CTBP2: variants seen among roughly 807,000 people sequenced by gnomAD.
CTBP2 encodes C-terminal-binding protein 2.
A neutral mutation model predicts 80.3 loss-of-function variants in CTBP2; 30 were observed. The observed-to-expected ratio is 0.37, with a 90% confidence interval of 0.28 to 0.51. The LOEUF (loss-of-function observed/expected upper bound fraction) is 0.51. Ranked by LOEUF, CTBP2 falls within the 20% of genes least tolerant of loss-of-function variation. The probability of loss-of-function intolerance (pLI) is 0.93; values close to 1 mark genes in which losing one functional copy is unlikely to be tolerated. For missense variants in CTBP2, 1,212 were observed against 1,375.3 expected, an observed-to-expected ratio of 0.88 and a Z score of 1.88; for synonymous variants, 594 against 587.4, an observed-to-expected ratio of 1.01 and a Z score of -0.16.
At chr10:125,147,965 C>T (rs959758441) in intron 1 of CTBP2, among the ~76,000 whole-genome samples, 9 of 152,150 alleles carry the variant, frequency 5.9e-5, no homozygotes, top group African/African-American at 2.2e-4. Flanking sequence ...TTTAGAAACA[C>T]TACTTCATTG....
At chr10:125,036,671 GTGT>G (rs1564769501) in intron 3 of CTBP2, among the ~76,000 whole-genome samples, 87 of 6,164 alleles carry the variant, frequency 0.014, 1 homozygote, top group African/African-American at 0.044. Context: ...TAGAGGGGGT[GTGT>G]GTGTGTGTGT....
chr10:125,081,814 A>G (rs1449749349), intron 2 of CTBP2, among the ~76,000 whole-genome samples: 1 of 152,124 alleles, frequency 6.6e-6, no homozygotes, highest in Non-Finnish European at 1.5e-5. Flanking sequence ...ATAAAGTAAG[A>G]GTCACAGCAT....
chr10:125,153,331 C>A (rs1228166663), intron 1 of CTBP2, among the ~76,000 whole-genome samples: 1 of 152,222 alleles, frequency 6.6e-6, no homozygotes, highest in Non-Finnish European at 1.5e-5. Context: ...GTGGGGTGTC[C>A]AGGATCCAGA....
intron 2 of CTBP2, among the ~76,000 whole-genome samples, chr10:125,080,529 T>C (rs1297180092): frequency 1.3e-5 from 2 of 152,206 alleles, no homozygotes; most frequent in Non-Finnish European, 2.9e-5. Flanking sequence ...TGTGCCATCT[T>C]GGCTGTCATC....
intron 2 of CTBP2, among the ~76,000 whole-genome samples, chr10:125,070,992 C>CA (rs1845396747): frequency 6.6e-6 from 1 of 152,270 alleles, no homozygotes; most frequent in Non-Finnish European, 1.5e-5. Flanking sequence ...CCACTTCCCT[C>CA]ACACTGCATT....
chr10:125,099,101 G>A (rs1027440291), intron 2 of CTBP2, among the ~76,000 whole-genome samples: 4 of 152,184 alleles, frequency 2.6e-5, no homozygotes, highest in East Asian at 1.9e-4. Context: ...CGTTCAGTAC[G>A]CACAGGTTTA....
chr10:125,049,493 C>T (rs908130649), intron 2 of CTBP2, among the ~76,000 whole-genome samples: 4 of 152,184 alleles, frequency 2.6e-5, no homozygotes, highest in Non-Finnish European at 5.9e-5. Context: ...GCTCTGATGC[C>T]ACGAATACCT....
intron 2 of CTBP2, 116 bp from the exon 5 acceptor site, chr10:125,003,220 A>G (rs1031485227): frequency 2.2e-5 from 35 of 1,583,496 alleles, no homozygotes; most frequent in South Asian, 4.5e-5. Context: ...GTTCAGCAGG[A>G]AAGCAGGGAA....
intron 1 of CTBP2, among the ~76,000 whole-genome samples, chr10:125,147,191 G>A (rs570967013): frequency 5.3e-5 from 8 of 152,248 alleles, no homozygotes; most frequent in African/African-American, 1.7e-4. Context: ...TATGCTCCTC[G>A]GAATGTGGCC....
intron 2 of CTBP2, among the ~76,000 whole-genome samples, chr10:125,107,242 CCA>C (rs1424795126): frequency 6.6e-6 from 1 of 152,226 alleles, no homozygotes; most frequent in African/African-American, 2.4e-5. Context: ...CTAGAGAACC[CCA>C]GAGATGAAAG....
intron 1 of CTBP2, among the ~76,000 whole-genome samples, chr10:125,140,163 T>C (rs1318533630): frequency 1.3e-5 from 2 of 152,102 alleles, no homozygotes; most frequent in African/African-American, 4.8e-5. Flanking sequence ...TCACACTCGC[T>C]GCATGGCAGT....
intron 4 of CTBP2, chr10:124,997,723 C>G (rs905302351): frequency 3.5e-6 from 2 of 565,042 alleles, no homozygotes; most frequent in Admixed American, 3.3e-5. Flanking sequence ...GCTGTCCTGC[C>G]AGACACTACA....
At chr10:125,008,256 C>A (rs1460691760) in intron 1 of CTBP2, among the ~76,000 whole-genome samples, 1 of 152,202 alleles carries the variant, frequency 6.6e-6, no homozygotes, top group Non-Finnish European at 1.5e-5. Context: ...CGGCTCTGGC[C>A]TCTTTTTTTA....
At chr10:125,043,509 T>G (rs549638437) in intron 2 of CTBP2, among the ~76,000 whole-genome samples, 12 of 152,214 alleles carry the variant, frequency 7.9e-5, no homozygotes, top group South Asian at 2.1e-4. Flanking sequence ...CAATCTGGGC[T>G]CACTGCAAGC....
intron 1 of CTBP2, among the ~76,000 whole-genome samples, chr10:125,135,470 C>T (rs970252266): frequency 1.3e-5 from 2 of 152,206 alleles, no homozygotes; most frequent in African/African-American, 4.8e-5. Flanking sequence ...GCTGATCCCC[C>T]ACCCAGGCAG....
intron 1 of CTBP2, among the ~76,000 whole-genome samples, chr10:125,024,835 A>G (rs1385634754): frequency 6.6e-6 from 1 of 152,236 alleles, no homozygotes; most frequent in Non-Finnish European, 1.5e-5. Flanking sequence ...TGTATTTGAG[A>G]AAGTCAAATA....
chr10:124,992,505 T>C (rs375168485), intron 8 of CTBP2, among the ~76,000 whole-genome samples, 190 bp downstream of exon 10: 1 of 152,116 alleles, frequency 6.6e-6, no homozygotes, highest in East Asian at 1.9e-4. Context: ...TAGGAGCTTC[T>C]GTTTGTTCCA....
intron 2 of CTBP2, among the ~76,000 whole-genome samples, chr10:125,090,458 A>T: frequency 7.7e-6 from 1 of 130,406 alleles, no homozygotes. Flanking sequence ...TGGTTATTTA[A>T]AAAAAAAAAA....
At chr10:125,123,117 C>G (rs933168132) in intron 1 of CTBP2, among the ~76,000 whole-genome samples, 1 of 152,212 alleles carries the variant, frequency 6.6e-6, no homozygotes, top group Admixed American at 6.5e-5. Context: ...TTTGAGCAAA[C>G]TGGGTCTTAG....
Sources: gnomAD v4.1 joint callset for allele counts (sites outside exome capture counted in the v4.1 genomes callset) on GRCh38, gnomAD v4.1.1 for gene constraint, MANE v1.5 for transcripts, NCBI Gene and HGNC (gene_info 2026-07-23, HGNC 2026-07-21) for gene names.